Variants in SLC9A1 observed in about 807,000 individuals in gnomAD.
SLC9A1 encodes the protein solute carrier family 9 member A1.
In SLC9A1, 22 loss-of-function variants were observed where a neutral mutation model predicts 67.9. The ratio of observed to expected loss-of-function variants is 0.32; its 90% CI spans 0.23 to 0.46. The LOEUF (loss-of-function observed/expected upper bound fraction) is 0.46. SLC9A1 is among the 20% of genes least tolerant of loss of function. SLC9A1 has a pLI of 1.00. For synonymous variants in SLC9A1, 421 were observed against 471.8 expected (o/e 0.89, Z 1.40); for missense variants, 686 against 1,094.8 (o/e 0.63, Z 5.27).
chr1:27,126,577 T>C (rs1486230174), intron 1 of SLC9A1, among the ~76,000 whole-genome samples: 2 of 152,088 alleles, frequency 1.3e-5, no homozygotes, highest in South Asian at 2.1e-4. Flanking sequence ...CACAGCCCTC[T>C]ATTAAGAGTC....
intron 1 of SLC9A1, among the ~76,000 whole-genome samples, chr1:27,120,964 T>C (rs1450249319): frequency 6.6e-6 from 1 of 152,172 alleles, no homozygotes; most frequent in African/African-American, 2.4e-5. Flanking sequence ...TTCTCTGAAC[T>C]GCTAGTTCTT....
intron 1 of SLC9A1, among the ~76,000 whole-genome samples, chr1:27,149,964 C>T (rs1035102535): frequency 5.3e-5 from 8 of 152,222 alleles, no homozygotes; most frequent in African/African-American, 1.9e-4. Flanking sequence ...CTACCTGAAG[C>T]CTTCCTCCCA....
In SLC9A1 at chr1:27,103,210, C is replaced by T. The variant is rs764382259; in HGVS notation, c.1575+13G>A. 6.3e-6 allele frequency: 10 copies of T among 1,599,476 alleles called. No individual in the cohort carries two copies. The highest frequency in any genetic ancestry group is 1.6e-4 in the Middle Eastern group (1 of 6,064). On this transcript the variant is annotated intron_variant, in intron 6 of 11. Coordinates refer to ENST00000263980, the MANE Select transcript of SLC9A1 (RefSeq NM_003047.5). Reference sequence around the variant, plus strand: ...TCCTTCTGCAACCAAGGGCCCAGCCCGCACTCCAGTACCTGTGTGTGGATC... The same window carrying T: ...TCCTTCTGCAACCAAGGGCCCAGCCTGCACTCCAGTACCTGTGTGTGGATC...
intron 1 of SLC9A1, among the ~76,000 whole-genome samples, chr1:27,150,664 G>A (rs1056282389): frequency 2.0e-5 from 3 of 152,054 alleles, no homozygotes; most frequent in Non-Finnish European, 4.4e-5. Context: ...CTGCTGGGGA[G>A]AGAAAAAAGG....
intron 2 of SLC9A1, among the ~76,000 whole-genome samples, chr1:27,110,680 C>T (rs2083221930): frequency 6.6e-6 from 1 of 152,228 alleles, no homozygotes; most frequent in Non-Finnish European, 1.5e-5. Flanking sequence ...AAACAACACG[C>T]CAGGGGGCCC....
chr1:27,102,572 G>A lies in SLC9A1; in HGVS notation c.1647-14C>T. On this transcript the variant is annotated splice_polypyrimidine_tract_variant and intron_variant, in intron 7 of 11. Coordinates refer to ENST00000263980, the MANE Select transcript of SLC9A1 (RefSeq NM_003047.5). Reference sequence around the variant, plus strand: ...AACCGGTTGAGCCTGGTGGGAGGAGGAGGGAGACGGATGGCGCCAGCTTCC... The same window carrying A: ...AACCGGTTGAGCCTGGTGGGAGGAGAAGGGAGACGGATGGCGCCAGCTTCC... 1 of 1,609,200 alleles carries A rather than the reference G, an allele frequency of 6.2e-7. No individual in the cohort carries two copies. Among genetic ancestry groups the A allele is most frequent in the South Asian group, 1.1e-5 (1 of 91,012 alleles).
rs768704005 is a variant in SLC9A1, at chr1:27,128,657, T to TAAA, written c.353-14374_353-14372dup. On this transcript the variant is annotated intron_variant, in intron 1 of 11. Coordinates refer to ENST00000263980, the MANE Select transcript of SLC9A1 (RefSeq NM_003047.5). ...GGGCAACAGGGTGAGACCCTGTCTT[T>TAAA]AAAAAAAAAAAAAAAAAAGGCCAGG... 4.6e-3 allele frequency among the ~76,000 whole-genome samples: 492 copies of TAAA among 106,736 alleles called. 4 individuals carry two copies. The highest frequency in any genetic ancestry group is 0.016 in the African/African-American group (461 of 28,112). The allele number at this position is 106,736 out of a possible 152,430, so 70.0% of individuals were successfully genotyped here. A position where few individuals can be genotyped will look rare whatever the true frequency, so the allele number is the denominator to read the frequency against.
At chr1:27,141,222 A>AT (rs1415109740) in intron 1 of SLC9A1, among the ~76,000 whole-genome samples, 1 of 152,168 alleles carries the variant, frequency 6.6e-6, no homozygotes, top group African/African-American at 2.4e-5. Flanking sequence ...ATTAAAAAAA[A>AT]TTTTTTTAAA....
At chr1:27,131,573 C>T (rs2083384565) in intron 1 of SLC9A1, among the ~76,000 whole-genome samples, 1 of 151,058 alleles carries the variant, frequency 6.6e-6, no homozygotes, top group East Asian at 1.9e-4. Context: ...CATGGTGAAG[C>T]CCTGTCTCTT....
chr1:27,127,420 T>C (rs572964578), intron 1 of SLC9A1, among the ~76,000 whole-genome samples: 10 of 152,262 alleles, frequency 6.6e-5, no homozygotes, highest in Non-Finnish European at 1.3e-4. Context: ...GGGCAACAGA[T>C]GAGAGAACAG....
In SLC9A1 at chr1:27,100,108, C is replaced by A. The variant is rs2083129118; in HGVS notation, c.*199G>T. The A allele has an allele frequency of 2.1e-6, 1 of 470,666 alleles. No homozygotes were observed. Among genetic ancestry groups the A allele is most frequent in the Admixed American group, 3.8e-5 (1 of 26,524 alleles). 29.2% of individuals were successfully genotyped at this position (470,666 alleles called of 1,614,324 possible). The stretch of plus-strand genomic sequence containing the variant: ...AGTTCTGCCAAATGGATTGGGGAGG[C>A]AGCTCTGGTGGGGAGGATGCTTCCC... On this transcript the variant is annotated 3_prime_UTR_variant, in exon 12 of 12. Transcript: ENST00000263980. The surrounding 1 kb of genome is among the most constrained non-coding windows in gnomAD (Gnocchi z 5.6).
intron 1 of SLC9A1, among the ~76,000 whole-genome samples, chr1:27,120,465 T>C (rs2083297658): frequency 6.7e-6 from 1 of 150,150 alleles, no homozygotes; most frequent in African/African-American, 2.5e-5. Flanking sequence ...CAGCTGGGGG[T>C]GGCAGCTCAC....
chr1:27,109,878 G>A lies in SLC9A1; in HGVS notation c.814-101C>T. On this transcript the variant is annotated intron_variant, in intron 2 of 11. Coordinates refer to ENST00000263980, the MANE Select transcript of SLC9A1 (RefSeq NM_003047.5). The surrounding 1 kb of genome is among the most constrained non-coding windows in gnomAD (Gnocchi z 5.5). Reference sequence around the variant, plus strand: ...AATCCTGTCCCCTCCGTTAACCATGGCCACAAGAAGAGGCCACACGGTAGC... The same window carrying A: ...AATCCTGTCCCCTCCGTTAACCATGACCACAAGAAGAGGCCACACGGTAGC... 1 of 1,365,064 alleles carries A rather than the reference G, an allele frequency of 7.3e-7. No homozygotes were observed. Among genetic ancestry groups the A allele is most frequent in the Non-Finnish European group, 1.0e-6 (1 of 983,540 alleles). 84.6% of individuals were successfully genotyped at this position (1,365,064 alleles called of 1,614,324 possible). A position where few individuals can be genotyped will look rare whatever the true frequency, so the allele number is the denominator to read the frequency against.
chr1:27,123,651 C>T (rs1394458197), intron 1 of SLC9A1, among the ~76,000 whole-genome samples: 3 of 150,740 alleles, frequency 2.0e-5, no homozygotes, highest in Non-Finnish European at 4.4e-5. Flanking sequence ...GCTGGGATTA[C>T]AGGTGCCCAC....
intron 1 of SLC9A1, among the ~76,000 whole-genome samples, chr1:27,124,164 T>C (rs1277678123): frequency 2.6e-5 from 4 of 152,100 alleles, no homozygotes; most frequent in African/African-American, 4.8e-5. Flanking sequence ...GGTACCAGTT[T>C]GCCCCACACC....
At chr1:27,117,951 A>C (rs1024124709) in intron 1 of SLC9A1, among the ~76,000 whole-genome samples, 4 of 152,140 alleles carry the variant, frequency 2.6e-5, no homozygotes, top group African/African-American at 9.7e-5. Context: ...GGGCCATGCT[A>C]TTCCAGCCCT....
Position 27,105,947 on chromosome 1 carries a change from G to C in SLC9A1, c.1423C>G (p.Pro475Ala), listed in dbSNP as rs1231241969. The change falls in exon 5 of 12, where the codon CCC becomes GCC. Residue 475 changes from proline to alanine, a missense_variant. Transcript: ENST00000263980. The stretch of plus-strand genomic sequence containing the variant: ...GCAGTGAGGAACAGGTCACACATGG[G>C]GAAGTGCTTCTTGTCCAGGAGGTAG... ...LGYLLDKKHF[P>A]MCDLFLTAII... The C allele has an allele frequency of 6.2e-7, 1 of 1,613,730 alleles. No individual in the cohort carries two copies. The highest frequency in any genetic ancestry group is 1.3e-5 in the African/African-American group (1 of 75,060).
rs550625585 is a variant in SLC9A1, at chr1:27,155,121, A to T, written c.-787T>A. On this transcript the variant is annotated 5_prime_UTR_variant, in exon 1 of 12. Transcript: ENST00000263980. This position sits in a 1 kb window ranked among gnomAD's most constrained non-coding sequence, Gnocchi z 4.5. Reference sequence around the variant, plus strand: ...CCCTAGCCCCGGCCCCGGCGGCAGCAGACTGAAGCCTAGCTGAGCCCGGCG... The same window carrying T: ...CCCTAGCCCCGGCCCCGGCGGCAGCTGACTGAAGCCTAGCTGAGCCCGGCG... Among the ~76,000 whole-genome samples, 204 of 152,216 alleles carry T rather than the reference A, an allele frequency of 1.3e-3. 2 individuals carry two copies. Among genetic ancestry groups the T allele is most frequent in the African/African-American group, 3.8e-3 (158 of 41,554 alleles).
chr1:27,121,211 C>T (rs1385845951), intron 1 of SLC9A1, among the ~76,000 whole-genome samples: 1 of 152,132 alleles, frequency 6.6e-6, no homozygotes, highest in East Asian at 1.9e-4. Context: ...GGGGGTCCTA[C>T]TATGTTGGAG....
Sources: gnomAD v4.1 joint callset for allele counts (sites outside exome capture counted in the v4.1 genomes callset) on GRCh38, gnomAD v4.1.1 for gene constraint, Gnocchi (gnomAD v3.1) non-coding constraint, MANE v1.5 for transcripts, NCBI Gene and HGNC (gene_info 2026-07-23, HGNC 2026-07-21) for gene names.